Variants in ADAM19 observed in about 807,000 individuals in gnomAD.
ADAM19 encodes disintegrin and metalloproteinase domain-containing protein 19.
In ADAM19, 65 loss-of-function variants were observed where a neutral mutation model predicts 114.7. The observed-to-expected ratio is 0.57, with a 90% CI of 0.46 to 0.70. The LOEUF is 0.70. ADAM19 is among the 30% of genes least tolerant of loss of function. The pLI, the probability that ADAM19 is intolerant of heterozygous loss-of-function variation, is 0.00. For missense variants in ADAM19, 1,063 were observed against 1,204.7 expected, an observed-to-expected ratio of 0.88 and a Z score of 1.74; for synonymous variants, 466 against 460.5, an observed-to-expected ratio of 1.01 and a Z score of -0.15.
chr5:157,570,723 T>C (rs952053521), intron 2 of ADAM19, 172 bp downstream of exon 2: 16 of 565,198 alleles, frequency 2.8e-5, no homozygotes, highest in Admixed American at 6.8e-5. Flanking sequence ...TAGAAGTTTG[T>C]CATACAAGGA....
At chr5:157,520,144 G>C (rs557366808) in intron 5 of ADAM19, 113 bp from the exon 6 acceptor site, 1 of 1,035,292 alleles carries the variant, frequency 9.7e-7, no homozygotes, top group Non-Finnish European at 1.4e-6. Context: ...TTGATCATTG[G>C]TTCTTAACCT....
At position 157,537,369 on chromosome 5, in the gene ADAM19, C is replaced by T. The variant is rs572229415; in HGVS notation, c.330+544G>A. Among the ~76,000 whole-genome samples, 81 of 152,178 alleles carry T rather than the reference C, an allele frequency of 5.3e-4. 3 individuals are homozygous for T. The South Asian group carries it at 0.016, about 30-fold the overall frequency. ...TCTAAATGAAAGATCTTTGACATTG[C>T]GTAAACATCCCTACTCAAAAACAAC... On this transcript the variant is annotated intron_variant, in intron 4 of 22. Coordinates refer to ENST00000257527, the MANE Select transcript of ADAM19 (RefSeq NM_033274.5).
At chr5:157,571,237 G>A (rs1049710036) in intron 1 of ADAM19, among the ~76,000 whole-genome samples, 6 of 152,190 alleles carry the variant, frequency 3.9e-5, no homozygotes, top group Non-Finnish European at 7.3e-5. Flanking sequence ...TAAGTACCCT[G>A]AATAAAATAA....
chr5:157,489,760 C>A lies in ADAM19; in HGVS notation c.2240+550G>T, dbSNP rs1456959419. 2.6e-5 allele frequency among the ~76,000 whole-genome samples: 4 copies of A among 152,312 alleles called. No individual in the cohort carries two copies. In the South Asian group the frequency reaches 8.3e-4, roughly 32 times the overall value. On this transcript the variant is annotated intron_variant, in intron 19 of 22. Coordinates refer to ENST00000257527, the MANE Select transcript of ADAM19 (RefSeq NM_033274.5). Reference sequence around the variant, plus strand: ...CAGCATTTTGGGAGGCCAAAGCGGGCAGATCACCTGAGGTCAAGAGTTCGA... The same window carrying A: ...CAGCATTTTGGGAGGCCAAAGCGGGAAGATCACCTGAGGTCAAGAGTTCGA...
intron 3 of ADAM19, among the ~76,000 whole-genome samples, chr5:157,543,133 C>A (rs1273353913): frequency 1.3e-5 from 2 of 152,140 alleles, no homozygotes; most frequent in African/African-American, 4.8e-5. Context: ...TAAATACACA[C>A]ACACCGCCAC....
intron 8 of ADAM19, among the ~76,000 whole-genome samples, chr5:157,513,195 T>C (rs11466766): frequency 0.019 from 2,945 of 152,310 alleles, 114 homozygotes; most frequent in African/African-American, 0.067. Context: ...TACGACAGCC[T>C]TTCTATTTAT....
chr5:157,512,737 A>G (rs1581316663), intron 8 of ADAM19, among the ~76,000 whole-genome samples: 2 of 152,224 alleles, frequency 1.3e-5, no homozygotes, highest in South Asian at 2.1e-4. Flanking sequence ...ATCCTTCCTA[A>G]GAGACAAGAC....
At position 157,509,357 on chromosome 5, in the gene ADAM19, G is replaced by A. The variant is rs375976246; in HGVS notation, c.849C>T (p.Leu283=). The A allele has an allele frequency of 3.7e-6, 6 of 1,613,424 alleles. No homozygotes were observed. Among genetic ancestry groups the A allele is most frequent in the East Asian group, 2.2e-5 (1 of 44,872 alleles). ...GGGCAAGCAGCTTGCGCCTCCAACT[G>A]AGAAAGGACCAGAGGGTAGAATATG... is the stretch of plus-strand genomic sequence containing the variant. ...ENPYSTLWSF[L]SWRRKLLAQK... The change falls in exon 9 of 23, where the codon CTC becomes CTT. Residue 283 remains leucine, a synonymous_variant. Coordinates refer to ENST00000257527, the MANE Select transcript of ADAM19 (RefSeq NM_033274.5).
intron 1 of ADAM19, among the ~76,000 whole-genome samples, chr5:157,574,601 C>T (rs1035007185): frequency 6.6e-6 from 1 of 152,212 alleles, no homozygotes; most frequent in Non-Finnish European, 1.5e-5. Flanking sequence ...GTTGGTCCCC[C>T]AAGCAGCAGT....
intron 3 of ADAM19, among the ~76,000 whole-genome samples, chr5:157,540,941 A>G (rs901776217): frequency 2.6e-5 from 4 of 152,210 alleles, no homozygotes; most frequent in African/African-American, 9.7e-5. Flanking sequence ...CAATATCAGC[A>G]TCATCTAGAA....
At chr5:157,564,671 A>G (rs1757605203) in intron 2 of ADAM19, among the ~76,000 whole-genome samples, 1 of 152,200 alleles carries the variant, frequency 6.6e-6, no homozygotes, top group South Asian at 2.1e-4. Context: ...TCCAGGCTGC[A>G]ATGTGGTGTA....
intron 21 of ADAM19, among the ~76,000 whole-genome samples, chr5:157,485,505 C>A (rs1284046369): frequency 6.6e-6 from 1 of 152,224 alleles, no homozygotes; most frequent in African/African-American, 2.4e-5. Flanking sequence ...TCCTTGTCAA[C>A]AGAAAATTGC....
At chr5:157,542,258 AGT>A (rs961423680) in intron 3 of ADAM19, among the ~76,000 whole-genome samples, 10 of 138,424 alleles carry the variant, frequency 7.2e-5, no homozygotes, top group African/African-American at 3.0e-4. Context: ...TATTTTTAAT[AGT>A]TTTTTTTTTT....
chr5:157,497,570 T>TACAC (rs5872512), intron 13 of ADAM19, among the ~76,000 whole-genome samples: 6,238 of 116,718 alleles, frequency 0.053, 136 homozygotes, highest in Admixed American at 0.068. Context: ...GGCCCACTAA[T>TACAC]ACACACACAC....
At chr5:157,565,440 C>T (rs887264736) in intron 2 of ADAM19, among the ~76,000 whole-genome samples, 24 of 152,160 alleles carry the variant, frequency 1.6e-4, no homozygotes, top group African/African-American at 2.4e-4. Context: ...TAGACTCGGC[C>T]GGGCACAGTG....
At chr5:157,561,311 T>A (rs1435057730) in intron 3 of ADAM19, among the ~76,000 whole-genome samples, 1 of 152,190 alleles carries the variant, frequency 6.6e-6, no homozygotes, top group African/African-American at 2.4e-5. Context: ...TGCCTTTCCA[T>A]CCTCACCATT....
At position 157,481,850 on chromosome 5, in the gene ADAM19, G is replaced by A; in HGVS notation, c.2644C>T (p.Leu882=). The A allele has an allele frequency of 6.3e-7, 1 of 1,590,022 alleles. No individual in the cohort carries two copies. The highest frequency in any genetic ancestry group is 8.6e-7 in the Non-Finnish European group (1 of 1,167,744). Residue 882 remains leucine (L), a synonymous_variant, in exon 22 of 23, where the codon CTG becomes TTG. Coordinates refer to ENST00000257527, the MANE Select transcript of ADAM19 (RefSeq NM_033274.5). The part of the protein sequence containing the change: ...SLPRPGGASP[L]RPPGAGPQQS... ...TGAGGGCCAGCACCAGGGGGCCGCAGTGGGGATGCACCTCCTGGCCTGGGG... is the reference window on the plus strand; with the variant it reads ...TGAGGGCCAGCACCAGGGGGCCGCAATGGGGATGCACCTCCTGGCCTGGGG...
intron 7 of ADAM19, among the ~76,000 whole-genome samples, chr5:157,517,152 C>T (rs1756116000): frequency 6.6e-6 from 1 of 152,214 alleles, no homozygotes; most frequent in Non-Finnish European, 1.5e-5. Flanking sequence ...GTGACTAACA[C>T]TCAAAGACCT....
At chr5:157,552,005 A>G (rs965690676) in intron 3 of ADAM19, among the ~76,000 whole-genome samples, 3 of 152,004 alleles carry the variant, frequency 2.0e-5, no homozygotes, top group African/African-American at 7.3e-5. Context: ...AAAAAAATTA[A>G]CCAGGTGTGG....
Sources: gnomAD v4.1 joint callset for allele counts (sites outside exome capture counted in the v4.1 genomes callset) on GRCh38, gnomAD v4.1.1 for gene constraint, MANE v1.5 for transcripts, NCBI Gene and HGNC (gene_info 2026-07-23, HGNC 2026-07-21) for gene names.